Variants in ATXN2L observed in about 807,000 individuals in gnomAD.
ATXN2L encodes the protein ataxin-2-like protein.
Under a neutral mutation model 120.7 loss-of-function variants are expected in ATXN2L, and 24 were observed. The ratio of observed to expected loss-of-function variants is 0.20; its 90% CI spans 0.14 to 0.28. The LOEUF (loss-of-function observed/expected upper bound fraction) is 0.28. Ranked by LOEUF, ATXN2L falls within the 10% of genes least tolerant of loss-of-function variation. The pLI is 1.00. For synonymous variants in ATXN2L, 653 were observed against 568.1 expected (o/e 1.15, Z -2.13); for missense variants, 1,312 against 1,432.3 (o/e 0.92, Z 1.36).
rs1412473721 is a variant in ATXN2L, at chr16:28,823,076, C to T, written c.-184C>T. The T allele has an allele frequency of 5.6e-6, 2 of 359,940 alleles. No homozygotes were observed. Among genetic ancestry groups the T allele is most frequent in the Non-Finnish European group, 9.8e-6 (2 of 203,180 alleles). The allele number at this position is 359,940 out of a possible 1,614,324, so 22.3% of individuals were successfully genotyped here. ...CGCGAGACCCCCTCCCCTTCCGCCT[C>T]GCGGCGCTTCCTCGCGCCGCGGTCT... On this transcript the variant is annotated 5_prime_UTR_variant, in exon 1 of 22. Coordinates refer to ENST00000336783, the MANE Select transcript of ATXN2L (RefSeq NM_007245.4).
intron 6 of ATXN2L, among the ~76,000 whole-genome samples, chr16:28,828,238 T>G (rs1054414606): frequency 2.6e-5 from 4 of 152,224 alleles, no homozygotes; most frequent in African/African-American, 9.6e-5. Context: ...TTAGGTCTTA[T>G]GACTTTTCAG....
chr16:28,833,719 A>C, intron 15 of ATXN2L: 1 of 556,038 alleles, frequency 1.8e-6, no homozygotes. Flanking sequence ...TCAGGGGATC[A>C]GGGATCCCAG....
rs2050231455 is a variant in ATXN2L, at chr16:28,823,208, G to A, written c.-52G>A. The A allele has an allele frequency of 9.6e-6, 10 of 1,041,330 alleles. No individual in the cohort carries two copies. The highest frequency in any genetic ancestry group is 9.8e-6 in the Non-Finnish European group (8 of 818,888). The allele number at this position is 1,041,330 out of a possible 1,614,324, so 64.5% of individuals were successfully genotyped here. The stretch of plus-strand genomic sequence containing the variant: ...CGCTCTCCAGCGGGGCCCCAGCCCC[G>A]GCCCCCTCTCTCCCTCCCTTCTCTC... On this transcript the variant is annotated 5_prime_UTR_variant, in exon 1 of 22. Transcript: ENST00000336783.
At chr16:28,828,283 T>C (rs1472924917) in intron 6 of ATXN2L, among the ~76,000 whole-genome samples, 1 of 152,150 alleles carries the variant, frequency 6.6e-6, no homozygotes, top group Non-Finnish European at 1.5e-5. Flanking sequence ...GCTGCAGTTG[T>C]TAGTAATCAT....
rs908876822 is a variant in ATXN2L at position 28,831,414 on chromosome 16, A to G, written c.1321+342A>G. Among the ~76,000 whole-genome samples the G allele has an allele frequency of 6.6e-5, 10 of 151,888 alleles. 1 individual carries two copies. Among genetic ancestry groups the G allele is most frequent in the Admixed American group, 4.6e-4 (7 of 15,240 alleles). On this transcript the variant is annotated intron_variant, in intron 10 of 21. Transcript: ENST00000336783. The stretch of plus-strand genomic sequence containing the variant: ...GCCATCTCAGCTCACTGCAGCCTCC[A>G]CCCCTCAGATTCAAGCCATTCTCCT...
Position 28,835,206 on chromosome 16 carries a change from C to G in ATXN2L, c.2563+19C>G, listed in dbSNP as rs140695022. On this transcript the variant is annotated intron_variant, in intron 19 of 21. Transcript: ENST00000336783. ...CTTTATGGTGAGTCCTGCGCCTGGT[C>G]CCTCTGCTCTGGGCTGTGTGCCAGC... 1.9e-6 allele frequency: 3 copies of G among 1,608,466 alleles called. No homozygotes were observed. The highest frequency in any genetic ancestry group is 1.3e-5 in the African/African-American group (1 of 74,826).
intron 1 of ATXN2L, 33 bp downstream of exon 1, chr16:28,823,591 C>A: frequency 3.1e-6 from 4 of 1,300,548 alleles, no homozygotes; most frequent in Middle Eastern, 3.0e-4. Context: ...GAGGGAGCCG[C>A]GGCCACCCAG....
chr16:28,831,847 T>C (rs2054577490), intron 10 of ATXN2L, among the ~76,000 whole-genome samples: 1 of 152,294 alleles, frequency 6.6e-6, no homozygotes, highest in East Asian at 1.9e-4. Flanking sequence ...ATCACACCAT[T>C]GCACTCCAGT....
chr16:28,830,837 C>T lies in ATXN2L; in HGVS notation c.1210+47C>T, dbSNP rs541158050. 7.3e-5 allele frequency: 114 copies of T among 1,552,970 alleles called. No homozygotes were observed. The South Asian group carries it at 1.3e-3, about 17-fold the overall frequency. On this transcript the variant is annotated intron_variant, in intron 9 of 21. Transcript: ENST00000336783. Reference sequence around the variant, plus strand: ...AGGAAGAGGGCAGGGAAGGGGATGCCAAGGAGGTGGGAGGGTAATTGGAGG... The same window carrying T: ...AGGAAGAGGGCAGGGAAGGGGATGCTAAGGAGGTGGGAGGGTAATTGGAGG...
chr16:28,823,104 T>A lies in ATXN2L; in HGVS notation c.-156T>A. On this transcript the variant is annotated 5_prime_UTR_variant, in exon 1 of 22. Transcript: ENST00000336783. ...GGCGCTTCCTCGCGCCGCGGTCTTC[T>A]CTCTCCACCCCCGACACCGCGGGGC... 4.5e-6 allele frequency: 1 copy of A among 220,498 alleles called. No homozygotes were observed. 13.7% of individuals were successfully genotyped at this position (220,498 alleles called of 1,614,324 possible). A position where few individuals can be genotyped will look rare whatever the true frequency, so the allele number is the denominator to read the frequency against.
chr16:28,829,013 G>C (rs2053345333), intron 6 of ATXN2L, among the ~76,000 whole-genome samples: 1 of 152,126 alleles, frequency 6.6e-6, no homozygotes, highest in African/African-American at 2.4e-5. Flanking sequence ...TTACAGGCAT[G>C]AGCCACCACG....
At chr16:28,826,757 T>C in intron 5 of ATXN2L, 105 bp from the exon 6 acceptor site, 1 of 1,373,204 alleles carries the variant, frequency 7.3e-7, no homozygotes, top group Non-Finnish European at 9.6e-7. Context: ...TCTGGACTTC[T>C]TAAACTTTGT....
At chr16:28,826,470 G>T in intron 5 of ATXN2L, 80 bp downstream of exon 5, 1 of 1,489,138 alleles carries the variant, frequency 6.7e-7, no homozygotes, top group Non-Finnish European at 9.2e-7. Flanking sequence ...GTGGAACATG[G>T]TGATGTGTTT....
Position 28,835,046 on chromosome 16 carries a change from C to T in ATXN2L, c.2434-12C>T, listed in dbSNP as rs757729712. The T allele has an allele frequency of 6.2e-7, 1 of 1,605,088 alleles. No individual in the cohort carries two copies. Among genetic ancestry groups the T allele is most frequent in the South Asian group, 1.1e-5 (1 of 89,552 alleles). On this transcript the variant is annotated splice_polypyrimidine_tract_variant and intron_variant, in intron 18 of 21. Coordinates refer to ENST00000336783, the MANE Select transcript of ATXN2L (RefSeq NM_007245.4). Reference sequence around the variant, plus strand: ...GCGGCTGTGCCAACCACTCCTCTCTCTGTCCCGCCAGCCGGTGTTTGCCCC... The same window carrying T: ...GCGGCTGTGCCAACCACTCCTCTCTTTGTCCCGCCAGCCGGTGTTTGCCCC...
In ATXN2L at chr16:28,835,763, G is replaced by A. The variant is rs765949819; in HGVS notation, c.2895+5G>A. On this transcript the variant is annotated splice_donor_5th_base_variant and intron_variant, in intron 21 of 21. Coordinates refer to ENST00000336783, the MANE Select transcript of ATXN2L (RefSeq NM_007245.4). The stretch of plus-strand genomic sequence containing the variant: ...AACATGGCCCATGTTACCCAGGTAA[G>A]AGCCCAGCTGTCCCACTTCTGGGTC... 1 of 1,614,068 alleles carries A rather than the reference G, an allele frequency of 6.2e-7. No individual in the cohort carries two copies. The highest frequency in any genetic ancestry group is 1.7e-5 in the Admixed American group (1 of 60,014).
In ATXN2L at chr16:28,830,810, T is replaced by G. The variant is rs750767661; in HGVS notation, c.1210+20T>G. 10 of 1,574,730 alleles carry G rather than the reference T, an allele frequency of 6.4e-6. No individual in the cohort carries two copies. Among genetic ancestry groups the G allele is most frequent in the Non-Finnish European group, 8.6e-6 (10 of 1,161,564 alleles). ...ATGGAGGTGAGTTATGAGGTGACTT[T>G]GAGGAAGAGGGCAGGGAAGGGGATG... On this transcript the variant is annotated intron_variant, in intron 9 of 21. Transcript: ENST00000336783.
intron 6 of ATXN2L, among the ~76,000 whole-genome samples, chr16:28,828,685 G>T (rs1199501374): frequency 6.6e-6 from 1 of 151,438 alleles, no homozygotes; most frequent in Non-Finnish European, 1.5e-5. Flanking sequence ...TTGTTTTGTC[G>T]TTTATTTTTG....
At chr16:28,833,562 G>A (rs1400831926) in intron 15 of ATXN2L, 54 bp downstream of exon 15, 4 of 1,563,548 alleles carry the variant, frequency 2.6e-6, no homozygotes, top group Non-Finnish European at 3.5e-6. Context: ...GACTTGGGCA[G>A]TGCTTATAGA....
chr16:28,834,824 C>T (rs1167453787), intron 18 of ATXN2L, 131 bp downstream of exon 18: 9 of 1,233,878 alleles, frequency 7.3e-6, no homozygotes, highest in African/African-American at 3.0e-5. Flanking sequence ...GTGGTATTGG[C>T]GGTGTCAGAC....
Sources: gnomAD v4.1 joint callset for allele counts (sites outside exome capture counted in the v4.1 genomes callset) on GRCh38, gnomAD v4.1.1 for gene constraint, MANE v1.5 for transcripts, NCBI Gene and HGNC (gene_info 2026-07-23, HGNC 2026-07-21) for gene names.